MET: variants seen among roughly 807,000 people sequenced by gnomAD.
The protein encoded by MET is MET proto-oncogene, receptor tyrosine kinase.
A neutral mutation model predicts 133.1 loss-of-function variants in MET; 48 were observed. The ratio of observed to expected loss-of-function variants is 0.36; its 90% confidence interval spans 0.29 to 0.46. The LOEUF (loss-of-function observed/expected upper bound fraction) is 0.46. Ranked by LOEUF, MET falls within the 20% of genes least tolerant of loss-of-function variation. MET has a pLI of 1.00. For synonymous variants in MET, 628 were observed against 616.5 expected, an observed-to-expected ratio of 1.02 and a Z score of -0.28; for missense variants, 1,442 against 1,695.9, an observed-to-expected ratio of 0.85 and a Z score of 2.63.
chr7:116,682,912 C>T (rs1332751242), intron 1 of MET, among the ~76,000 whole-genome samples: 2 of 152,134 alleles, frequency 1.3e-5, no homozygotes, highest in Non-Finnish European at 2.9e-5. Context: ...CCAGTTGTTT[C>T]CATGTCACCC....
In MET at chr7:116,736,120, T is replaced by C. The variant is rs547297421; in HGVS notation, c.1393-3830T>C. On this transcript the variant is annotated intron_variant, in intron 3 of 20. Transcript: ENST00000397752. ...TAGAGGAAAATACACTCAAGGGTTC[T>C]GAAATTTCTTTTGTGTAAGAAAGAA... Among the ~76,000 whole-genome samples, 8 of 152,328 alleles carry C rather than the reference T, an allele frequency of 5.3e-5. No individual in the cohort carries two copies. In the Middle Eastern group the frequency reaches 0.014, roughly 259 times the overall value.
chr7:116,777,305 A>G (rs780949820), intron 15 of MET, 84 bp from the exon 16 acceptor site: 8 of 1,148,758 alleles, frequency 7.0e-6, no homozygotes, highest in Non-Finnish European at 1.1e-5. Context: ...GAAAGAATAA[A>G]ATGAAGCTCA....
chr7:116,777,596 C>T (rs1795034956), intron 16 of MET, 127 bp downstream of exon 16: 3 of 897,648 alleles, frequency 3.3e-6, no homozygotes, highest in Non-Finnish European at 5.4e-6. Flanking sequence ...AAATTATGGG[C>T]CTAATCCTGA....
chr7:116,764,301 C>A (rs1794528178), intron 11 of MET, among the ~76,000 whole-genome samples: 1 of 152,068 alleles, frequency 6.6e-6, no homozygotes, highest in Non-Finnish European at 1.5e-5. Flanking sequence ...AAGCCCGCTT[C>A]AATGAACAGT....
At chr7:116,708,831 G>A (rs1021038709) in intron 2 of MET, among the ~76,000 whole-genome samples, 2 of 152,112 alleles carry the variant, frequency 1.3e-5, no homozygotes, top group African/African-American at 4.8e-5. Flanking sequence ...TTGGGGAGGA[G>A]GGGATTGTCC....
Position 116,763,012 on chromosome 7 carries a change from G to A in MET, c.2365-38G>A, listed in dbSNP as rs368822968. ...AAGTTGCTATGGATGTTGCCAAGCT[G>A]TATTCTGTTTACAGTGGATAATTGT... On this transcript the variant is annotated intron_variant, in intron 10 of 20. Coordinates refer to ENST00000397752, the MANE Select transcript of MET (RefSeq NM_000245.4). 115 of 1,543,824 alleles carry A rather than the reference G, an allele frequency of 7.4e-5. 1 individual carries two copies. In the African/African-American group the frequency reaches 1.5e-3, roughly 20 times the overall value.
At chr7:116,770,736 T>A (rs1404368926) in intron 12 of MET, among the ~76,000 whole-genome samples, 1 of 152,314 alleles carries the variant, frequency 6.6e-6, no homozygotes, top group East Asian at 1.9e-4. Context: ...TGGATGAACA[T>A]AAGATTCATC....
At chr7:116,714,760 C>CAT (rs1287077050) in intron 2 of MET, among the ~76,000 whole-genome samples, 1 of 151,636 alleles carries the variant, frequency 6.6e-6, no homozygotes, top group East Asian at 1.9e-4. Flanking sequence ...CACACACACA[C>CAT]ACACACACAC....
intron 5 of MET, among the ~76,000 whole-genome samples, chr7:116,750,226 A>C (rs1218514479): frequency 6.6e-6 from 1 of 152,096 alleles, no homozygotes; most frequent in Non-Finnish European, 1.5e-5. Flanking sequence ...ACTGGTACCA[A>C]AACAGAGATA....
chr7:116,775,105 G>A lies in MET; in HGVS notation c.3253G>A (p.Gly1085Arg). ...GATTGTGCATTTCAATGAAGTCATA[G>A]GAAGAGGTAAGTATTTCCACTCAGC... ...SLIVHFNEVI[G>R]RGHFGCVYHG... Residue 1085 changes from glycine (G) to arginine (R), a missense_variant, in exon 15 of 21, where the codon GGA becomes AGA. Physicochemically the swap from Gly to Arg is moderately radical, Grantham distance 125. This residue lies in a region of MET where 514 missense variants were observed against 659.6 expected (regional missense o/e 0.78). Coordinates refer to ENST00000397752, the MANE Select transcript of MET (RefSeq NM_000245.4). 1.2e-6 allele frequency: 2 copies of A among 1,614,086 alleles called. No individual in the cohort carries two copies. Among genetic ancestry groups the A allele is most frequent in the Non-Finnish European group, 1.7e-6 (2 of 1,179,930 alleles).
At chr7:116,726,169 A>ACACACACACACACAC (rs1562900114) in intron 2 of MET, among the ~76,000 whole-genome samples, 1 of 122,562 alleles carries the variant, frequency 8.2e-6, no homozygotes, top group African/African-American at 3.1e-5. Flanking sequence ...ATATATATAT[A>ACACACACACACACAC]TATATATATG....
In MET at chr7:116,771,835, C is replaced by T. The variant is rs1794844835; in HGVS notation, c.2888-14C>T. The T allele has an allele frequency of 1.2e-6, 2 of 1,613,690 alleles. No individual in the cohort carries two copies. The highest frequency in any genetic ancestry group is 1.3e-5 in the African/African-American group (1 of 75,012). The stretch of plus-strand genomic sequence containing the variant: ...GCCGTCTTTAACAAGCTCTTTCTTT[C>T]TCTCTGTTTTAAGATCTGGGCAGTG... On this transcript the variant is annotated splice_polypyrimidine_tract_variant and intron_variant, in intron 13 of 20. Coordinates refer to ENST00000397752, the MANE Select transcript of MET (RefSeq NM_000245.4).
intron 16 of MET, among the ~76,000 whole-genome samples, chr7:116,777,845 T>A (rs1456880751): frequency 6.6e-6 from 1 of 152,186 alleles, no homozygotes; most frequent in African/African-American, 2.4e-5. Flanking sequence ...CTATAATTAT[T>A]TTTTAACCAC....
At chr7:116,753,346 T>C (rs1048764438) in intron 5 of MET, among the ~76,000 whole-genome samples, 2 of 152,186 alleles carry the variant, frequency 1.3e-5, no homozygotes, top group Non-Finnish European at 2.9e-5. Flanking sequence ...TTACAATATG[T>C]CCCCACCCCC....
chr7:116,687,161 A>C (rs1056420173), intron 1 of MET, among the ~76,000 whole-genome samples: 1 of 152,194 alleles, frequency 6.6e-6, no homozygotes, highest in African/African-American at 2.4e-5. Context: ...CCATAAATAC[A>C]CATACCGCCT....
chr7:116,695,283 TC>T (rs1341453381), intron 1 of MET, among the ~76,000 whole-genome samples: 2 of 152,228 alleles, frequency 1.3e-5, no homozygotes, highest in African/African-American at 2.4e-5. Flanking sequence ...GTATTTGCCC[TC>T]TAGTACAACA....
chr7:116,700,255 G>A lies in MET; in HGVS notation c.1171G>A (p.Gly391Arg), dbSNP rs587778443. 6.9e-6 allele frequency: 11 copies of A among 1,603,062 alleles called. No individual in the cohort carries two copies. Among genetic ancestry groups the A allele is most frequent in the African/African-American group, 2.7e-5 (2 of 74,288 alleles). The change falls in exon 2 of 21, where the codon GGA becomes AGA. Residue 391 changes from glycine (G) to arginine (R), a missense_variant. By Grantham distance (125) the Gly-to-Arg change is moderately radical (BLOSUM62 -2). Around this residue, in one of 6 missense-constraint regions of MET, gnomAD observed 762 missense variants for 792.4 expected, o/e 0.96. Coordinates refer to ENST00000397752, the MANE Select transcript of MET (RefSeq NM_000245.4). ...NNVRCLQHFY[G>R]PNHEHCFNRT... is the part of the protein sequence containing the mutation. ...TGTGAGATGTCTCCAGCATTTTTAC[G>A]GACCCAATCATGAGCACTGCTTTAA...
chr7:116,791,005 G>T (rs1795474408), intron 19 of MET, among the ~76,000 whole-genome samples: 1 of 152,152 alleles, frequency 6.6e-6, no homozygotes. Flanking sequence ...TTGAACCCTG[G>T]ATGCAGAGGT....
chr7:116,753,960 A>G (rs1390656474), intron 5 of MET, among the ~76,000 whole-genome samples: 2 of 152,056 alleles, frequency 1.3e-5, no homozygotes, highest in African/African-American at 4.8e-5. Context: ...GCATAACAAG[A>G]CCCCGTCTCT....
Sources: allele counts gnomAD v4.1 joint callset (sites outside exome capture counted in the v4.1 genomes callset), GRCh38; gene constraint gnomAD v4.1.1; regional missense constraint gnomAD v4.1.1; transcripts MANE v1.5; gene names NCBI Gene and HGNC (gene_info 2026-07-23, HGNC 2026-07-21).